CNTNAP2: variants seen among roughly 807,000 people sequenced by gnomAD.
The protein encoded by CNTNAP2 is contactin associated protein 2.
CNTNAP2 carries 98 observed loss-of-function variants against 155.2 expected under a neutral mutation model. That is an observed-to-expected ratio of 0.63 (90% CI 0.54 to 0.75). The LOEUF is 0.75. CNTNAP2 is among the 30% of genes least tolerant of loss of function. The pLI is 0.00. For synonymous variants in CNTNAP2, 651 were observed against 631.2 expected (o/e 1.03, Z -0.47); for missense variants, 1,727 against 1,688.1 (o/e 1.02, Z -0.40).
chr7:146,616,034 TC>T (rs1357900832), intron 1 of CNTNAP2, among the ~76,000 whole-genome samples: 2 of 152,206 alleles, frequency 1.3e-5, no homozygotes, highest in African/African-American at 4.8e-5. Context: ...ACAATGGTAA[TC>T]CTTTAAACTT....
intron 1 of CNTNAP2, among the ~76,000 whole-genome samples, chr7:146,542,410 G>A (rs1416102034): frequency 6.6e-6 from 1 of 151,936 alleles, no homozygotes; most frequent in Non-Finnish European, 1.5e-5. Flanking sequence ...AGATCTACAT[G>A]TTCCAAGGTA....
chr7:147,158,285 G>A (rs1358318168), intron 8 of CNTNAP2, among the ~76,000 whole-genome samples: 1 of 151,994 alleles, frequency 6.6e-6, no homozygotes, highest in Non-Finnish European at 1.5e-5. Context: ...TACATGAACT[G>A]CTAATGGAGT....
intron 1 of CNTNAP2, among the ~76,000 whole-genome samples, chr7:146,741,807 G>A (rs1801721430): frequency 6.6e-6 from 1 of 152,082 alleles, no homozygotes; most frequent in Admixed American, 6.6e-5. Flanking sequence ...GATGGTAGTA[G>A]GAAATAAGAA....
chr7:147,327,564 C>T (rs1271704988), intron 9 of CNTNAP2, among the ~76,000 whole-genome samples: 1 of 152,148 alleles, frequency 6.6e-6, no homozygotes, highest in Admixed American at 6.5e-5. Flanking sequence ...GTCAGATTAG[C>T]TACATTTTAG....
At position 147,370,337 on chromosome 7, in the gene CNTNAP2, A is replaced by G. The variant is rs148452115; in HGVS notation, c.1499-25272A>G. Among the ~76,000 whole-genome samples, 75 of 152,302 alleles carry G rather than the reference A, an allele frequency of 4.9e-4. No homozygotes were observed. The East Asian group carries it at 0.01, about 20-fold the overall frequency. On this transcript the variant is annotated intron_variant, in intron 9 of 23. Coordinates refer to ENST00000361727, the MANE Select transcript of CNTNAP2 (RefSeq NM_014141.6). ...AGACAGAGCTATTTTGTGAAGCCAC[A>G]CCACACGTCCTTGGGGCAGTCATTG...
chr7:148,213,342 G>C (rs955273145), intron 18 of CNTNAP2, among the ~76,000 whole-genome samples: 1 of 152,128 alleles, frequency 6.6e-6, no homozygotes, highest in Non-Finnish European at 1.5e-5. Context: ...TCTGGCTTCG[G>C]GATGGAGTAA....
chr7:148,301,978 G>T (rs1423471069), intron 21 of CNTNAP2, among the ~76,000 whole-genome samples: 1 of 152,218 alleles, frequency 6.6e-6, no homozygotes, highest in African/African-American at 2.4e-5. Flanking sequence ...ACCAAGGCTA[G>T]CTCCTTTACA....
chr7:147,027,006 AAAAAAAAAAAACAAAAAAAAG>A (rs1337069329), intron 3 of CNTNAP2, among the ~76,000 whole-genome samples: 1 of 117,118 alleles, frequency 8.5e-6, no homozygotes. Flanking sequence ...ACAGAACAGA[AAAAAAAAAAAACAAAAAAAAG>A]AAAAAAAAAA....
At chr7:147,797,208 C>A (rs1404754575) in intron 13 of CNTNAP2, among the ~76,000 whole-genome samples, 2 of 152,028 alleles carry the variant, frequency 1.3e-5, no homozygotes, top group East Asian at 3.9e-4. Flanking sequence ...TACATGGTTA[C>A]CTTTGTAAAA....
chr7:147,505,315 A>G (rs1458385538), intron 11 of CNTNAP2, among the ~76,000 whole-genome samples: 1 of 152,140 alleles, frequency 6.6e-6, no homozygotes, highest in African/African-American at 2.4e-5. Context: ...TAATTCTATT[A>G]TTTTGTAACT....
At chr7:147,590,420 T>A (rs1249737692) in intron 12 of CNTNAP2, among the ~76,000 whole-genome samples, 1 of 152,132 alleles carries the variant, frequency 6.6e-6, no homozygotes, top group Non-Finnish European at 1.5e-5. Context: ...CAAGATCTGA[T>A]GGTCTTTATA....
chr7:147,399,103 A>G (rs950541990), intron 10 of CNTNAP2, among the ~76,000 whole-genome samples: 2 of 152,118 alleles, frequency 1.3e-5, no homozygotes, highest in Non-Finnish European at 2.9e-5. Context: ...CGAAAGAGGC[A>G]CTTGCATGAT....
chr7:147,945,129 T>C (rs1197845019), intron 14 of CNTNAP2, among the ~76,000 whole-genome samples: 1 of 152,198 alleles, frequency 6.6e-6, no homozygotes, highest in East Asian at 1.9e-4. Context: ...AAATTATGTC[T>C]TCTAGGAAAG....
At chr7:146,682,816 T>C (rs184254460) in intron 1 of CNTNAP2, among the ~76,000 whole-genome samples, 1 of 152,302 alleles carries the variant, frequency 6.6e-6, no homozygotes, top group Admixed American at 6.5e-5. Flanking sequence ...AAAAATTCAA[T>C]ATTAAAGACC....
chr7:147,562,114 T>G, intron 11 of CNTNAP2, 24 bp from the exon 12 acceptor site: 1 of 1,613,708 alleles, frequency 6.2e-7, no homozygotes, highest in Non-Finnish European at 8.5e-7. Flanking sequence ...GCTGTGCTTA[T>G]GTAGGATATT....
intron 1 of CNTNAP2, among the ~76,000 whole-genome samples, chr7:146,552,592 C>G (rs374645609): frequency 6.6e-6 from 1 of 152,070 alleles, no homozygotes; most frequent in Non-Finnish European, 1.5e-5. Flanking sequence ...TACAGCACTT[C>G]CCTCCTCTAA....
chr7:147,890,039 C>CA (rs1168716508), intron 13 of CNTNAP2, among the ~76,000 whole-genome samples: 1 of 151,348 alleles, frequency 6.6e-6, no homozygotes, highest in Non-Finnish European at 1.5e-5. Flanking sequence ...GACACTTTTA[C>CA]AAAAAAAGCT....
chr7:146,851,650 CTGTGTGTGTGTGTG>C (rs71165041), intron 3 of CNTNAP2, among the ~76,000 whole-genome samples: 250 of 133,122 alleles, frequency 1.9e-3, no homozygotes, highest in East Asian at 6.4e-3. Context: ...CATCTTTCTT[CTGTGTGTGTGTGTG>C]TGTGTGTGTG....
chr7:147,096,428 A>T (rs536103537), intron 4 of CNTNAP2, among the ~76,000 whole-genome samples: 1 of 152,332 alleles, frequency 6.6e-6, no homozygotes, highest in East Asian at 1.9e-4. Flanking sequence ...CATATCCCAA[A>T]CACTGCATGA....
Sources: allele counts gnomAD v4.1 joint callset (sites outside exome capture counted in the v4.1 genomes callset), GRCh38; gene constraint gnomAD v4.1.1; transcripts MANE v1.5; gene names NCBI Gene and HGNC (gene_info 2026-07-23, HGNC 2026-07-21).